Variants in MRPS9 observed in about 807,000 individuals in gnomAD.
MRPS9 encodes small ribosomal subunit protein uS9m.
MRPS9 carries 45 observed loss-of-function variants against 59.9 expected under a neutral mutation model. The ratio of observed to expected loss-of-function variants is 0.75; its 90% confidence interval spans 0.59 to 0.96. The LOEUF is 0.96. Among genes scored for constraint, MRPS9 ranks in the 40% least tolerant of loss-of-function variants. The probability of loss-of-function intolerance (pLI) is 0.00; values close to 1 mark genes in which losing one functional copy is unlikely to be tolerated. For synonymous variants in MRPS9, 171 were observed against 166.8 expected (o/e 1.03, Z -0.19); for missense variants, 473 against 481.1 (o/e 0.98, Z 0.16).
At chr2:105,096,198 A>C (rs530593112) in intron 9 of MRPS9, among the ~76,000 whole-genome samples, 1 of 152,012 alleles carries the variant, frequency 6.6e-6, no homozygotes, top group South Asian at 2.1e-4. Context: ...TTATTTTACT[A>C]GTGTGGTATG....
Position 105,038,138 on chromosome 2 carries a change from C to T in MRPS9, c.46C>T (p.Leu16Phe). Reference protein sequence around the residue: ...VSYGGAVSYRLLLWGRGSLAR... With the variant: ...VSYGGAVSYRFLLWGRGSLAR... ...CTACGGCGGAGCAGTTTCGTACCGG[C>T]TTCTTCTCTGGGGTAGGGGTAGCCT... The change falls in exon 1 of 11, where the codon CTT becomes TTT. Residue 16 changes from leucine (L) to phenylalanine (F), a missense_variant. By Grantham distance (22) the Leu-to-Phe change is conservative. Coordinates refer to ENST00000258455, the MANE Select transcript of MRPS9 (RefSeq NM_182640.3). 1 of 1,613,964 alleles carries T rather than the reference C, an allele frequency of 6.2e-7. No individual in the cohort carries two copies. Among genetic ancestry groups the T allele is most frequent in the Non-Finnish European group, 8.5e-7 (1 of 1,179,988 alleles).
At chr2:105,040,404 A>G (rs1412018368) in intron 1 of MRPS9, among the ~76,000 whole-genome samples, 1 of 152,212 alleles carries the variant, frequency 6.6e-6, no homozygotes, top group African/African-American at 2.4e-5. Context: ...GGGAGAATAG[A>G]ATAATAATAA....
At chr2:105,069,951 T>A (rs1680082965) in intron 2 of MRPS9, among the ~76,000 whole-genome samples, 1 of 152,088 alleles carries the variant, frequency 6.6e-6, no homozygotes, top group Admixed American at 6.5e-5. Context: ...AGGTCAAGGC[T>A]GCAGTGAGCA....
intron 1 of MRPS9, among the ~76,000 whole-genome samples, chr2:105,045,967 C>T (rs879889707): frequency 2.4e-4 from 37 of 152,112 alleles, no homozygotes; most frequent in Admixed American, 1.4e-3. Context: ...CCGGTTCAAG[C>T]GATTCTCCTG....
chr2:105,092,661 A>T lies in MRPS9; in HGVS notation c.820+92A>T, dbSNP rs527299402. 319 of 1,139,922 alleles carry T rather than the reference A, an allele frequency of 2.8e-4. No individual in the cohort carries two copies. The African/African-American group carries it at 4.3e-3, about 15-fold the overall frequency. 70.6% of individuals were successfully genotyped at this position (1,139,922 alleles called of 1,614,324 possible). On this transcript the variant is annotated intron_variant, in intron 8 of 10. Coordinates refer to ENST00000258455, the MANE Select transcript of MRPS9 (RefSeq NM_182640.3). ...GCTATTGCTTTCTGGTATCCATTAGATTTTTTATTTGTTTATTTTTGCTAC... is the reference window on the plus strand; with the variant it reads ...GCTATTGCTTTCTGGTATCCATTAGTTTTTTTATTTGTTTATTTTTGCTAC...
chr2:105,099,904 C>A lies in MRPS9; in HGVS notation c.*143C>A. ...TGTGAGATGGATTTATTTTTAAATG[C>A]TACTTTGTAAAGGTGACCTTTAAAA... On this transcript the variant is annotated 3_prime_UTR_variant, in exon 11 of 11. Transcript: ENST00000258455. 1.8e-6 allele frequency: 1 copy of A among 571,036 alleles called. No individual in the cohort carries two copies. Among genetic ancestry groups the A allele is most frequent in the Non-Finnish European group, 3.0e-6 (1 of 329,796 alleles). The allele number at this position is 571,036 out of a possible 1,614,324, so 35.4% of individuals were successfully genotyped here.
At position 105,072,391 on chromosome 2, in the gene MRPS9, C is replaced by A. The variant is rs1272388854; in HGVS notation, c.409+902C>A. ...ATTTCTACAGATTCTTCCCATCAAC[C>A]TTACTGAAGTTGACACAACTTTTTT... On this transcript the variant is annotated intron_variant, in intron 4 of 10. Coordinates refer to ENST00000258455, the MANE Select transcript of MRPS9 (RefSeq NM_182640.3). 2.0e-5 allele frequency among the ~76,000 whole-genome samples: 3 copies of A among 151,080 alleles called. No homozygotes were observed. In the Admixed American group the frequency reaches 2.0e-4, roughly 10 times the overall value.
intron 5 of MRPS9, among the ~76,000 whole-genome samples, chr2:105,083,194 G>A (rs1383109001): frequency 1.3e-5 from 2 of 152,204 alleles, no homozygotes; most frequent in Admixed American, 6.5e-5. Flanking sequence ...TGTGAAGGAG[G>A]GGGAAGAATG....
Position 105,093,768 on chromosome 2 carries a change from A to G in MRPS9, c.929+130A>G, listed in dbSNP as rs151120038. On this transcript the variant is annotated intron_variant, in intron 9 of 10. Coordinates refer to ENST00000258455, the MANE Select transcript of MRPS9 (RefSeq NM_182640.3). ...GATTATTTCTCTTTACCAATGTAAC[A>G]TATCAAACTAGCTAATTGAAGCTAT... The G allele has an allele frequency of 1.6e-3, 795 of 484,842 alleles. 7 individuals carry two copies. Among genetic ancestry groups the G allele is most frequent in the African/African-American group, 0.014 (719 of 49,820 alleles). 30.0% of individuals were successfully genotyped at this position (484,842 alleles called of 1,614,324 possible).
chr2:105,088,616 T>G (rs1573446647), intron 5 of MRPS9, among the ~76,000 whole-genome samples: 1 of 152,192 alleles, frequency 6.6e-6, no homozygotes, highest in Non-Finnish European at 1.5e-5. Flanking sequence ...AAAGTGCACA[T>G]TGCCATATAA....
At chr2:105,065,021 A>G (rs1312993637) in intron 2 of MRPS9, among the ~76,000 whole-genome samples, 3 of 152,188 alleles carry the variant, frequency 2.0e-5, no homozygotes, top group African/African-American at 7.2e-5. Flanking sequence ...AGCAGCCCCT[A>G]TATTTGAGAC....
At chr2:105,041,887 A>G (rs1679508210) in intron 1 of MRPS9, among the ~76,000 whole-genome samples, 1 of 152,194 alleles carries the variant, frequency 6.6e-6, no homozygotes, top group Non-Finnish European at 1.5e-5. Context: ...AAATACCTCT[A>G]CATTAAAATT....
At chr2:105,084,643 G>T (rs1437849616) in intron 5 of MRPS9, among the ~76,000 whole-genome samples, 2 of 152,152 alleles carry the variant, frequency 1.3e-5, no homozygotes, top group African/African-American at 4.8e-5. Flanking sequence ...GACCCTTCTC[G>T]CAGTGAGGTG....
Position 105,099,887 on chromosome 2 carries a change from G to T in MRPS9, c.*126G>T. On this transcript the variant is annotated 3_prime_UTR_variant, in exon 11 of 11. Coordinates refer to ENST00000258455, the MANE Select transcript of MRPS9 (RefSeq NM_182640.3). ...CAGAAATTTCTTTGAGCTGTGAGAT[G>T]GATTTATTTTTAAATGCTACTTTGT... The T allele has an allele frequency of 3.2e-6, 2 of 615,858 alleles. No individual in the cohort carries two copies. Among genetic ancestry groups the T allele is most frequent in the South Asian group, 3.3e-5 (1 of 30,670 alleles). 38.1% of individuals were successfully genotyped at this position (615,858 alleles called of 1,614,324 possible). A position where few individuals can be genotyped will look rare whatever the true frequency, so the allele number is the denominator to read the frequency against.
intron 2 of MRPS9, among the ~76,000 whole-genome samples, chr2:105,060,017 T>TAAAAAAAAAAAAAAAAAAAAAAAAAAAA: frequency 9.9e-6 from 1 of 100,604 alleles, no homozygotes; most frequent in Non-Finnish European, 1.9e-5. Flanking sequence ...GGAAAACTGC[T>TAAAAAAAAAAAAAAAAAAAAAAAAAAAA]AAAAAAAAAA....
In MRPS9 at chr2:105,088,985, A is replaced by T; in HGVS notation, c.491A>T (p.Asp164Val). ...GKQSYYSLMH[D>V]VYGMLLNLEK... ...TACTGTATATTTTGTTTGCCATAGG[A>T]TGTATATGGAATGTTACTCAATTTA... The change falls in exon 6 of 11, where the codon GAT becomes GTT. Residue 164 changes from aspartate to valine, a missense_variant and splice_region_variant. Coordinates refer to ENST00000258455, the MANE Select transcript of MRPS9 (RefSeq NM_182640.3). 6.2e-7 allele frequency: 1 copy of T among 1,605,266 alleles called. No individual in the cohort carries two copies. Among genetic ancestry groups the T allele is most frequent in the Non-Finnish European group, 8.5e-7 (1 of 1,173,730 alleles).
At chr2:105,085,217 A>C (rs886069305) in intron 5 of MRPS9, among the ~76,000 whole-genome samples, 2 of 152,232 alleles carry the variant, frequency 1.3e-5, no homozygotes, top group African/African-American at 4.8e-5. Context: ...AACTTGAGAT[A>C]CATAGCGTAA....
chr2:105,081,170 A>G (rs568085753), intron 5 of MRPS9, among the ~76,000 whole-genome samples: 15 of 152,298 alleles, frequency 9.8e-5, no homozygotes, highest in African/African-American at 3.6e-4. Flanking sequence ...AAGGTTCCAT[A>G]TGGACTTGAG....
Position 105,092,554 on chromosome 2 carries a change from T to A in MRPS9, c.805T>A (p.Phe269Ile). ...PVQYDEQGMAFSKSEGKRKTA... is the reference protein window; with the variant it reads ...PVQYDEQGMAISKSEGKRKTA... ...ACAGTATGATGAGCAAGGAATGGCC[T>A]TTAGCAAAAGTGAAGGTAATGACAT... is the stretch of plus-strand genomic sequence containing the variant. Residue 269 changes from phenylalanine (F) to isoleucine (I), a missense_variant, in exon 8 of 11, where the codon TTT (phenylalanine) becomes ATT (isoleucine). Coordinates refer to ENST00000258455, the MANE Select transcript of MRPS9 (RefSeq NM_182640.3). The A allele has an allele frequency of 1.9e-6, 3 of 1,582,558 alleles. No individual in the cohort carries two copies. Among genetic ancestry groups the A allele is most frequent in the Non-Finnish European group, 2.6e-6 (3 of 1,166,178 alleles).
Sources: allele counts gnomAD v4.1 joint callset (sites outside exome capture counted in the v4.1 genomes callset), GRCh38; gene constraint gnomAD v4.1.1; transcripts MANE v1.5; gene names NCBI Gene and HGNC (gene_info 2026-07-23, HGNC 2026-07-21).